Variants in CCDC88A observed in about 807,000 individuals in gnomAD.
CCDC88A encodes girdin.
In CCDC88A, 54 loss-of-function variants were observed where a neutral mutation model predicts 234.3. The ratio of observed to expected loss-of-function variants is 0.23; its 90% confidence interval spans 0.19 to 0.29. CCDC88A has a LOEUF of 0.29. Among genes scored for constraint, CCDC88A ranks in the 10% least tolerant of loss-of-function variants. The pLI is 1.00. For missense variants in CCDC88A, 1,832 were observed against 2,123.4 expected (o/e 0.86, Z 2.70); for synonymous variants, 753 against 737.8 (o/e 1.02, Z -0.33).
intron 4 of CCDC88A, 116 bp from the exon 5 acceptor site, chr2:55,372,626 T>C: frequency 3.6e-6 from 2 of 559,466 alleles, no homozygotes; most frequent in Non-Finnish European, 6.5e-6. Flanking sequence ...GGATTCAGTC[T>C]AAGCATATGT....
At position 55,295,623 on chromosome 2, in the gene CCDC88A, G is replaced by C; in HGVS notation, c.5525C>G (p.Ala1842Gly). The C allele has an allele frequency of 6.2e-7, 1 of 1,614,230 alleles. No homozygotes were observed. Among genetic ancestry groups the C allele is most frequent in the Non-Finnish European group, 8.5e-7 (1 of 1,180,032 alleles). ...PISVDSPPAA[A>G]DSNTTAASNV... is the part of the protein sequence containing the mutation. ...AGATGCTGCAGTGGTGTTGCTGTCA[G>C]CAGCAGCTGGTGGTGAATCAACTGA... The change falls in exon 31 of 33, where the codon GCT becomes GGT. Residue 1842 changes from alanine to glycine, a missense_variant. By Grantham distance (60) the Ala-to-Gly change is moderately conservative (BLOSUM62 0). Transcript: ENST00000436346.
chr2:55,369,558 T>C (rs1672529116), intron 5 of CCDC88A, among the ~76,000 whole-genome samples: 1 of 151,722 alleles, frequency 6.6e-6, no homozygotes, highest in South Asian at 2.1e-4. Flanking sequence ...TTCAAACCGT[T>C]CTCCTGTCTC....
At chr2:55,353,649 CAAAA>C (rs34022778) in intron 8 of CCDC88A, among the ~76,000 whole-genome samples, 3 of 77,072 alleles carry the variant, frequency 3.9e-5, no homozygotes, top group Non-Finnish European at 5.3e-5. Context: ...GAAACCAAAC[CAAAA>C]AAAAAAAAAA....
At chr2:55,303,674 C>T (rs1681171700) in intron 25 of CCDC88A, among the ~76,000 whole-genome samples, 1 of 152,126 alleles carries the variant, frequency 6.6e-6, no homozygotes, top group Non-Finnish European at 1.5e-5. Context: ...AGCCACCACG[C>T]CCGGCCTGAG....
At chr2:55,394,455 G>A (rs1402595774) in intron 2 of CCDC88A, 2 of 152,026 alleles carry the variant, frequency 1.3e-5, no homozygotes, top group Non-Finnish European at 2.9e-5. Flanking sequence ...CCAGTAATGG[G>A]ATAGCTGGGT....
Position 55,287,943 on chromosome 2 carries a change from G to GT in CCDC88A, c.*3256dup, listed in dbSNP as rs1221712334. The GT allele has an allele frequency of 6.6e-6, 1 of 152,530 alleles. No homozygotes were observed. The highest frequency in any genetic ancestry group is 1.5e-5 in the Non-Finnish European group (1 of 68,000). The allele number at this position is 152,530 out of a possible 1,614,324, so 9.4% of individuals were successfully genotyped here. On this transcript the variant is annotated 3_prime_UTR_variant, in exon 33 of 33. Coordinates refer to ENST00000436346, the MANE Select transcript of CCDC88A (RefSeq NM_001365480.1). ...TTGAAGGAGAAACAAAATGAAAAAT[G>GT]TTTTTTAAAAAACAAACAGTGGTAT...
intron 25 of CCDC88A, chr2:55,308,216 T>C (rs1474313451): frequency 6.6e-6 from 1 of 152,566 alleles, no homozygotes; most frequent in African/African-American, 2.4e-5. Flanking sequence ...ATTACAGGGG[T>C]GTGCCACCGT....
intron 22 of CCDC88A, 24 bp downstream of exon 22, chr2:55,315,904 A>G (rs774830392): frequency 4.3e-6 from 6 of 1,379,548 alleles, no homozygotes; most frequent in Admixed American, 2.5e-5. Flanking sequence ...TGAAGGACAC[A>G]GTGATTAAAC....
In CCDC88A at chr2:55,317,914, T is replaced by C; in HGVS notation, c.3325-73A>G. The C allele has an allele frequency of 9.1e-7, 1 of 1,103,504 alleles. No individual in the cohort carries two copies. The highest frequency in any genetic ancestry group is 1.3e-6 in the Non-Finnish European group (1 of 772,166). 68.4% of individuals were successfully genotyped at this position (1,103,504 alleles called of 1,614,324 possible). ...TCTTTTTCAAAATACAAGATTACAATGTTAATTAAAGAAAGCTCTAAATGA... is the reference window on the plus strand; with the variant it reads ...TCTTTTTCAAAATACAAGATTACAACGTTAATTAAAGAAAGCTCTAAATGA... On this transcript the variant is annotated intron_variant, in intron 19 of 32. Coordinates refer to ENST00000436346, the MANE Select transcript of CCDC88A (RefSeq NM_001365480.1). The surrounding 1 kb of genome is among the most constrained non-coding windows in gnomAD (Gnocchi z 4.2).
At chr2:55,364,349 AC>A in intron 5 of CCDC88A, 1 of 170,108 alleles carries the variant, frequency 5.9e-6, no homozygotes, top group Non-Finnish European at 1.2e-5. Flanking sequence ...AGAATCAAGA[AC>A]TTGTTTCAGT....
At chr2:55,326,482 T>C (rs956534156) in intron 17 of CCDC88A, among the ~76,000 whole-genome samples, 1 of 152,202 alleles carries the variant, frequency 6.6e-6, no homozygotes, top group Non-Finnish European at 1.5e-5. Context: ...GTATTAAAAG[T>C]TTATAACAAT....
intron 12 of CCDC88A, among the ~76,000 whole-genome samples, chr2:55,341,136 CTTTCTTTTTTTTTTTT>C (rs1229451681): frequency 4.6e-5 from 5 of 107,950 alleles, no homozygotes; most frequent in Non-Finnish European, 7.4e-5. Flanking sequence ...GACAGAATTT[CTTTCTTTTTTTTTTTT>C]TTTTTTTTTT....
At chr2:55,338,653 A>G (rs1668088323) in intron 13 of CCDC88A, among the ~76,000 whole-genome samples, 2 of 152,250 alleles carry the variant, frequency 1.3e-5, no homozygotes, top group South Asian at 4.1e-4. Context: ...GGTCTGGGAC[A>G]GAAAATGTTC....
intron 3 of CCDC88A, among the ~76,000 whole-genome samples, chr2:55,388,276 A>G (rs1477056824): frequency 6.6e-6 from 1 of 152,232 alleles, no homozygotes; most frequent in African/African-American, 2.4e-5. Context: ...GTAACTCGTA[A>G]GTGAAATAAA....
Position 55,318,885 on chromosome 2 carries a change from T to G in CCDC88A, c.3282A>C (p.Gln1094His). Residue 1094 changes from glutamine to histidine, a missense_variant, in exon 19 of 33, where the codon CAA (glutamine) becomes CAC (histidine). Gln to His is a conservative substitution (Grantham distance 24). Coordinates refer to ENST00000436346, the MANE Select transcript of CCDC88A (RefSeq NM_001365480.1). Reference sequence around the variant, plus strand: ...GTGTTTGAAGAGTGGTATTCTGTTCTTGTAATGACACTGTCTGCCTCTGAA... The same window carrying G: ...GTGTTTGAAGAGTGGTATTCTGTTCGTGTAATGACACTGTCTGCCTCTGAA... ...LALQRQTVSL[Q>H]EQNTTLQTQN... 1 of 1,612,808 alleles carries G rather than the reference T, an allele frequency of 6.2e-7. No homozygotes were observed. The highest frequency in any genetic ancestry group is 8.5e-7 in the Non-Finnish European group (1 of 1,179,162).
chr2:55,299,862 T>C lies in CCDC88A; in HGVS notation c.4802A>G (p.Asn1601Ser). 1 of 1,612,402 alleles carries C rather than the reference T, an allele frequency of 6.2e-7. No individual in the cohort carries two copies. Among genetic ancestry groups the C allele is most frequent in the East Asian group, 2.2e-5 (1 of 44,806 alleles). Reference protein sequence around the residue: ...GRTSTSNSNNNASLHEVKAGA... With the variant: ...GRTSTSNSNNSASLHEVKAGA... The stretch of plus-strand genomic sequence containing the variant: ...ACCTTTGACTTCATGTAGTGAAGCA[T>C]TATTATTGCTATTGCTAGTGGATGT... The change falls in exon 29 of 33, where the codon AAT (asparagine) becomes AGT (serine). Residue 1601 changes from asparagine to serine, a missense_variant. Around this residue, in one of 6 missense-constraint regions of CCDC88A, gnomAD observed 422 missense variants for 416.5 expected, o/e 1.01. Coordinates refer to ENST00000436346, the MANE Select transcript of CCDC88A (RefSeq NM_001365480.1).
intron 31 of CCDC88A, chr2:55,295,246 G>A (rs1235294489): frequency 7.4e-7 from 1 of 1,348,616 alleles, no homozygotes; most frequent in South Asian, 1.2e-5. Context: ...TTCTGTGCAG[G>A]TTTATCCAAA....
intron 31 of CCDC88A, among the ~76,000 whole-genome samples, chr2:55,293,244 G>A (rs947141279): frequency 1.3e-5 from 2 of 152,074 alleles, no homozygotes; most frequent in African/African-American, 4.8e-5. Context: ...GTGTGGAAAA[G>A]AAATAACACT....
chr2:55,296,340 T>C lies in CCDC88A; in HGVS notation c.5009A>G (p.Lys1670Arg). 6.2e-7 allele frequency: 1 copy of C among 1,614,228 alleles called. No individual in the cohort carries two copies. The highest frequency in any genetic ancestry group is 8.5e-7 in the Non-Finnish European group (1 of 1,180,026). Residue 1670 changes from lysine (K) to arginine (R), a missense_variant, in exon 30 of 33, where the codon AAG (lysine) becomes AGG (arginine). Transcript: ENST00000436346. ...ACTTCCAGGGGAACCAGTTTTGATC[T>C]TGTGATGTCGACTCTCCAGTGTTTC... ...ISETLESRHH[K>R]IKTGSPGSEV...
Sources: gnomAD v4.1 joint callset for allele counts (sites outside exome capture counted in the v4.1 genomes callset) on GRCh38, gnomAD v4.1.1 for gene constraint, gnomAD v4.1.1 regional missense constraint, Gnocchi (gnomAD v3.1) non-coding constraint, MANE v1.5 for transcripts, NCBI Gene and HGNC (gene_info 2026-07-23, HGNC 2026-07-21) for gene names.